The following AGBL4 variants were observed in gnomAD, a reference collection of about 807,000 sequenced individuals.
AGBL4 encodes the protein AGBL carboxypeptidase 4.
AGBL4 carries 58 observed loss-of-function variants against 66.4 expected under a neutral mutation model. The observed-to-expected ratio is 0.87, with a 90% CI of 0.71 to 1.09. The LOEUF is 1.09. Among genes scored for constraint, AGBL4 ranks in the 50% least tolerant of loss-of-function variants. The probability of loss-of-function intolerance (pLI) is 0.00; values close to 1 mark genes in which losing one functional copy is unlikely to be tolerated. For synonymous variants in AGBL4, 234 were observed against 222.9 expected (o/e 1.05, Z -0.44); for missense variants, 579 against 631.0 (o/e 0.92, Z 0.88).
rs184177745 is a variant in AGBL4 at position 49,216,246 on chromosome 1, T to C, written c.377+29524A>G. Among the ~76,000 whole-genome samples, 151 of 152,254 alleles carry C rather than the reference T, an allele frequency of 9.9e-4. 1 individual carries two copies. In the Middle Eastern group the frequency reaches 0.01, roughly 10 times the overall value. On this transcript the variant is annotated intron_variant, in intron 4 of 13. Transcript: ENST00000371839. ...TCTGCAAAGACAAAAGCTTTTATTA[T>C]TTAATTTTATTCATTTTTTTCTAAT...
At chr1:49,278,876 T>C (rs920324886) in intron 3 of AGBL4, among the ~76,000 whole-genome samples, 1 of 152,190 alleles carries the variant, frequency 6.6e-6, no homozygotes, top group African/African-American at 2.4e-5. Flanking sequence ...TGTAACATTA[T>C]CCTAATTGTA....
At chr1:49,078,048 T>C (rs967271413) in intron 4 of AGBL4, among the ~76,000 whole-genome samples, 1 of 152,112 alleles carries the variant, frequency 6.6e-6, no homozygotes, top group African/African-American at 2.4e-5. Context: ...ACCTTACTGA[T>C]GGTAAAATTA....
intron 3 of AGBL4, among the ~76,000 whole-genome samples, chr1:49,630,878 CG>C (rs1645557642): frequency 6.6e-6 from 1 of 152,104 alleles, no homozygotes; most frequent in Admixed American, 6.5e-5. Flanking sequence ...GTATTTTAAT[CG>C]TTAAATAGCT....
chr1:49,394,169 T>C (rs1644908384), intron 3 of AGBL4, among the ~76,000 whole-genome samples: 1 of 152,000 alleles, frequency 6.6e-6, no homozygotes, highest in South Asian at 2.1e-4. Context: ...GGAGCAGACC[T>C]TCCTGGAGTA....
intron 4 of AGBL4, among the ~76,000 whole-genome samples, chr1:49,076,802 G>A (rs1387687099): frequency 6.6e-6 from 1 of 152,060 alleles, no homozygotes; most frequent in Non-Finnish European, 1.5e-5. Context: ...CAGTGCTCTA[G>A]GTCCTCATTG....
chr1:48,977,759 T>C (rs566258695), intron 5 of AGBL4, among the ~76,000 whole-genome samples: 100 of 152,116 alleles, frequency 6.6e-4, no homozygotes, highest in African/African-American at 2.4e-3. Flanking sequence ...CTAACGAAAA[T>C]TGGGTTGTTG....
intron 3 of AGBL4, among the ~76,000 whole-genome samples, chr1:49,323,448 A>ATTTTTTTT (rs11295329): frequency 1.3e-4 from 15 of 114,860 alleles, no homozygotes; most frequent in African/African-American, 3.8e-4. Context: ...TGCCTGGCTA[A>ATTTTTTTT]TTTTTTTTTT....
chr1:49,586,355 C>T (rs147090527), intron 3 of AGBL4, among the ~76,000 whole-genome samples: 79 of 152,136 alleles, frequency 5.2e-4, no homozygotes, highest in African/African-American at 1.8e-3. Flanking sequence ...TTTCTTTGCT[C>T]GGTAACAAAT....
intron 6 of AGBL4, among the ~76,000 whole-genome samples, chr1:48,846,928 G>A (rs1169015694): frequency 1.3e-5 from 2 of 152,082 alleles, no homozygotes; most frequent in African/African-American, 2.4e-5. Flanking sequence ...CAGTGTTGTG[G>A]TTTTCTCATT....
At chr1:48,823,278 T>G (rs1453182147) in intron 6 of AGBL4, among the ~76,000 whole-genome samples, 1 of 152,218 alleles carries the variant, frequency 6.6e-6, no homozygotes, top group Non-Finnish European at 1.5e-5. Context: ...CCCTCTGTTA[T>G]GTCTAACACT....
intron 4 of AGBL4, among the ~76,000 whole-genome samples, chr1:49,235,985 T>G (rs1437547873): frequency 1.3e-5 from 2 of 150,836 alleles, no homozygotes; most frequent in East Asian, 4.0e-4. Context: ...GGTCAAATTA[T>G]TCATTTTGAA....
chr1:49,392,194 T>C (rs932196489), intron 3 of AGBL4, among the ~76,000 whole-genome samples: 1 of 152,202 alleles, frequency 6.6e-6, no homozygotes, highest in African/African-American at 2.4e-5. Flanking sequence ...AGTTTCTTAG[T>C]CACAACAGCC....
At chr1:48,974,655 C>T (rs1225438094) in intron 5 of AGBL4, among the ~76,000 whole-genome samples, 1 of 152,064 alleles carries the variant, frequency 6.6e-6, no homozygotes, top group East Asian at 1.9e-4. Context: ...TTTGACTCAC[C>T]TATTTGGCGA....
At chr1:49,016,525 A>C (rs1228474091) in intron 5 of AGBL4, among the ~76,000 whole-genome samples, 2 of 152,108 alleles carry the variant, frequency 1.3e-5, no homozygotes, top group African/African-American at 4.8e-5. Context: ...TTGTAAGAGG[A>C]AGAAAGCACA....
intron 3 of AGBL4, among the ~76,000 whole-genome samples, chr1:49,638,356 G>A (rs190556536): frequency 2.6e-5 from 4 of 152,274 alleles, no homozygotes; most frequent in Admixed American, 2.6e-4. Context: ...AAAAGTGTAA[G>A]AGAAGCTCAC....
At chr1:48,834,170 T>C (rs1009240228) in intron 6 of AGBL4, among the ~76,000 whole-genome samples, 6 of 152,204 alleles carry the variant, frequency 3.9e-5, no homozygotes, top group African/African-American at 1.4e-4. Context: ...TGGAAGCACA[T>C]AACATATGTC....
chr1:48,662,615 CAG>C (rs1308102315), intron 7 of AGBL4, among the ~76,000 whole-genome samples: 6 of 152,166 alleles, frequency 3.9e-5, no homozygotes, highest in Non-Finnish European at 7.3e-5. Flanking sequence ...CAATTATAAA[CAG>C]AAACACTTGA....
chr1:48,666,725 T>C (rs929637579), intron 6 of AGBL4, among the ~76,000 whole-genome samples: 2 of 152,218 alleles, frequency 1.3e-5, no homozygotes, highest in African/African-American at 4.8e-5. Context: ...AGAGCCAAAG[T>C]CCCAAGCCAG....
At chr1:48,751,178 G>C (rs1651680071) in intron 6 of AGBL4, among the ~76,000 whole-genome samples, 1 of 152,158 alleles carries the variant, frequency 6.6e-6, no homozygotes, top group Admixed American at 6.5e-5. Context: ...AAAACTCCAG[G>C]AATTGTCCAA....
Sources: allele counts gnomAD v4.1 joint callset (sites outside exome capture counted in the v4.1 genomes callset), GRCh38; gene constraint gnomAD v4.1.1; transcripts MANE v1.5; gene names NCBI Gene and HGNC (gene_info 2026-07-23, HGNC 2026-07-21).